The following TPCN2 variants were observed in gnomAD, a reference collection of about 807,000 sequenced individuals.
TPCN2 encodes two pore segment channel 2.
Under a neutral mutation model 111.4 loss-of-function variants are expected in TPCN2, and 92 were observed. That is an observed-to-expected ratio of 0.83 (90% confidence interval 0.70 to 0.98). TPCN2 has a LOEUF of 0.98. TPCN2 is among the 50% of genes least tolerant of loss of function. The pLI, the probability that TPCN2 is intolerant of heterozygous loss-of-function variation, is 0.00. For synonymous variants in TPCN2, 405 were observed against 414.5 expected (o/e 0.98, Z 0.28); for missense variants, 995 against 980.1 (o/e 1.02, Z -0.20).
chr11:69,084,133 C>T (rs1326704598), intron 19 of TPCN2, 117 bp downstream of exon 19: 7 of 1,085,488 alleles, frequency 6.4e-6, no homozygotes, highest in Admixed American at 1.9e-5. Context: ...TTCTTGGGTT[C>T]GGACGGCAGC....
At chr11:69,074,586 G>C (rs1292200667) in intron 13 of TPCN2, among the ~76,000 whole-genome samples, 1 of 152,066 alleles carries the variant, frequency 6.6e-6, no homozygotes, top group African/African-American at 2.4e-5. Flanking sequence ...TCAGGAAGCA[G>C]CTCTTAGCGG....
chr11:69,072,515 A>G (rs1304319955), intron 11 of TPCN2, 112 bp from the exon 12 acceptor site: 4 of 1,045,742 alleles, frequency 3.8e-6, no homozygotes, highest in East Asian at 2.6e-5. Flanking sequence ...TCAAGCTGCA[A>G]AGTGGCTTCA....
chr11:69,079,192 C>A, intron 16 of TPCN2, 172 bp downstream of exon 16: 1 of 832,304 alleles, frequency 1.2e-6, no homozygotes, highest in Non-Finnish European at 1.8e-6. Context: ...GCTCAGTGGG[C>A]AGCCGGTGAG....
At chr11:69,072,813 CA>C in intron 12 of TPCN2, 101 bp from the exon 13 acceptor site, 3 of 1,526,542 alleles carry the variant, frequency 2.0e-6, no homozygotes, top group Non-Finnish European at 2.7e-6. Context: ...TCACCTGCAG[CA>C]TTCACAGCCC....
Position 69,087,097 on chromosome 11 carries a change from C to A in TPCN2, c.2086-15C>A, listed in dbSNP as rs769939315. The A allele has an allele frequency of 5.0e-6, 8 of 1,611,722 alleles. No homozygotes were observed. Among genetic ancestry groups the A allele is most frequent in the African/African-American group, 2.7e-5 (2 of 74,986 alleles). On this transcript the variant is annotated splice_polypyrimidine_tract_variant and intron_variant, in intron 23 of 24. Transcript: ENST00000294309. ...TCGGGGCCCACACTCACTGGCCACT[C>A]CTCCTGCTTGCCAGAACTTCCTTCA...
At chr11:69,079,054 G>A (rs1378601238) in intron 16 of TPCN2, 34 bp downstream of exon 16, 1 of 1,577,190 alleles carries the variant, frequency 6.3e-7, no homozygotes, top group East Asian at 2.2e-5. Flanking sequence ...GGCCTCTACT[G>A]GGCGGGTGGG....
intron 5 of TPCN2, among the ~76,000 whole-genome samples, chr11:69,059,801 C>T (rs754601946): frequency 3.9e-5 from 6 of 152,196 alleles, no homozygotes; most frequent in East Asian, 1.9e-4. Flanking sequence ...GACAGATGAG[C>T]GATGGTTGTG....
chr11:69,055,017 C>A, intron 3 of TPCN2, 158 bp from the exon 4 acceptor site: 2 of 909,956 alleles, frequency 2.2e-6, no homozygotes, highest in Non-Finnish European at 3.4e-6. Flanking sequence ...CAGCCCTCGG[C>A]AATGGAGCTT....
intron 5 of TPCN2, among the ~76,000 whole-genome samples, chr11:69,059,551 T>TG (rs1299081947): frequency 1.3e-5 from 2 of 152,232 alleles, no homozygotes; most frequent in South Asian, 2.1e-4. Context: ...TGCTGTGCCC[T>TG]GTGACCCTAA....
intron 13 of TPCN2, among the ~76,000 whole-genome samples, chr11:69,075,722 G>A (rs972903710): frequency 1.3e-5 from 2 of 152,218 alleles, no homozygotes; most frequent in African/African-American, 4.8e-5. Flanking sequence ...CTGGGCGTCA[G>A]CCTGGCCGTG....
At chr11:69,060,382 A>G (rs1854967853) in intron 5 of TPCN2, among the ~76,000 whole-genome samples, 1 of 152,198 alleles carries the variant, frequency 6.6e-6, no homozygotes, top group South Asian at 2.1e-4. Flanking sequence ...GTCCAGTCAT[A>G]AAGAACTCCT....
In TPCN2 at chr11:69,089,649, CTT is replaced by C. The variant is rs1262397220; in HGVS notation, c.*1697_*1698del. The C allele has an allele frequency of 1.3e-5, 2 of 152,322 alleles. No homozygotes were observed. The highest frequency in any genetic ancestry group is 2.9e-5 in the Non-Finnish European group (2 of 68,084). The allele number at this position is 152,322 out of a possible 1,614,324, so 9.4% of individuals were successfully genotyped here. On this transcript the variant is annotated 3_prime_UTR_variant, in exon 25 of 25. Transcript: ENST00000294309. ...AGTTAGCCTCCTGCTGGTGTTCTCT[CTT>C]GTTGCTTGGTGAAGGTGGCCCTGGT...
Position 69,055,290 on chromosome 11 carries a change from G to T in TPCN2, c.367G>T (p.Gly123Cys). Reference sequence around the variant, plus strand: ...CGCTGCTCCCTGGGAGCCGCCCTGCGGCCTGACCGAGAGTGTCGAGGTGCT... The same window carrying T: ...CGCTGCTCCCTGGGAGCCGCCCTGCTGCCTGACCGAGAGTGTCGAGGTGCT... ...YRAAPWEPPC[G>C]LTESVEVLCL... Residue 123 changes from glycine to cysteine, a missense_variant, in exon 4 of 25, where the codon GGC becomes TGC. Physicochemically the swap from Gly to Cys is radical, Grantham distance 159 (BLOSUM62 -3). Transcript: ENST00000294309. 1 of 1,613,854 alleles carries T rather than the reference G, an allele frequency of 6.2e-7. No individual in the cohort carries two copies. Among genetic ancestry groups the T allele is most frequent in the Non-Finnish European group, 8.5e-7 (1 of 1,179,924 alleles).
intron 24 of TPCN2, 146 bp from the exon 25 acceptor site, chr11:69,087,729 T>G (rs1123665): frequency 0.47 from 292,113 of 617,020 alleles, 71,830 homozygotes; most frequent in South Asian, 0.66. Context: ...ACATCCATCC[T>G]GAGGCTCATC....
Position 69,073,006 on chromosome 11 carries a change from C to A in TPCN2, c.1230+5C>A. The A allele has an allele frequency of 6.2e-7, 1 of 1,612,400 alleles. No homozygotes were observed. ...GACAGAAGTGTGGTTAAAGAGGTAA[C>A]TGGGGCCACAGCCGCCCAGGGTGGA... is the stretch of plus-strand genomic sequence containing the variant. On this transcript the variant is annotated splice_donor_5th_base_variant and intron_variant, in intron 13 of 24. Transcript: ENST00000294309.
chr11:69,088,037 T>C lies in TPCN2; in HGVS notation c.*84T>C, dbSNP rs963616352. 4.0e-6 allele frequency: 5 copies of C among 1,243,108 alleles called. No individual in the cohort carries two copies. Among genetic ancestry groups the C allele is most frequent in the Non-Finnish European group, 5.6e-6 (5 of 891,866 alleles). 77.0% of individuals were successfully genotyped at this position (1,243,108 alleles called of 1,614,324 possible). ...CCCGTCATGGAAGAGGCGGCCATGCTGTGGCCAGCCAGGCAGGAAGAGACC... is the reference window on the plus strand; with the variant it reads ...CCCGTCATGGAAGAGGCGGCCATGCCGTGGCCAGCCAGGCAGGAAGAGACC... On this transcript the variant is annotated 3_prime_UTR_variant, in exon 25 of 25. Transcript: ENST00000294309.
At chr11:69,082,064 T>C (rs1011104253) in intron 18 of TPCN2, among the ~76,000 whole-genome samples, 2 of 152,118 alleles carry the variant, frequency 1.3e-5, no homozygotes, top group African/African-American at 4.8e-5. Context: ...ATGTTCTGAG[T>C]GTCCAGGTCC....
chr11:69,071,612 A>T (rs371955811), intron 10 of TPCN2, among the ~76,000 whole-genome samples, 192 bp downstream of exon 10: 2 of 152,070 alleles, frequency 1.3e-5, no homozygotes, highest in African/African-American at 4.8e-5. Flanking sequence ...AGAGATGGCA[A>T]CTCCCAGGAC....
At position 69,087,225 on chromosome 11, in the gene TPCN2, C is replaced by A; in HGVS notation, c.2180+19C>A. On this transcript the variant is annotated intron_variant, in intron 24 of 24. Transcript: ENST00000294309. The stretch of plus-strand genomic sequence containing the variant: ...TGTTCAGGTGTGTGGGTGGGGAAGG[C>A]GCTTCTGTCTGGCCCCCTGGGATGG... 1.2e-6 allele frequency: 2 copies of A among 1,609,662 alleles called. No individual in the cohort carries two copies. Among genetic ancestry groups the A allele is most frequent in the Non-Finnish European group, 8.5e-7 (1 of 1,176,660 alleles).
Sources: allele counts gnomAD v4.1 joint callset (sites outside exome capture counted in the v4.1 genomes callset), GRCh38; gene constraint gnomAD v4.1.1; transcripts MANE v1.5; gene names NCBI Gene and HGNC (gene_info 2026-07-23, HGNC 2026-07-21).